The following EXOC4 variants were observed in gnomAD, a reference collection of about 807,000 sequenced individuals.
EXOC4 encodes SEC8-like 1.
In EXOC4, 71 loss-of-function variants were observed where a neutral mutation model predicts 107.2. The observed-to-expected ratio is 0.66, with a 90% CI of 0.55 to 0.81. EXOC4 has a LOEUF of 0.81. Among genes scored for constraint, EXOC4 ranks in the 30% least tolerant of loss-of-function variants. The probability of loss-of-function intolerance (pLI) is 0.00; values close to 1 mark genes in which losing one functional copy is unlikely to be tolerated. For missense variants in EXOC4, 1,108 were observed against 1,189.6 expected, an observed-to-expected ratio of 0.93 and a Z score of 1.01; for synonymous variants, 456 against 441.2, an observed-to-expected ratio of 1.03 and a Z score of -0.42.
rs115048406 is a variant in EXOC4 at position 134,005,121 on chromosome 7, G to A, written c.2527+31G>A. On this transcript the variant is annotated intron_variant, in intron 16 of 17. Transcript: ENST00000253861. ...ACCCTGCTTCTGTCTCTGGGAGTTT[G>A]GGAGGAAGAAAGGATGAAAGTTTTC... is the stretch of plus-strand genomic sequence containing the variant. 3,793 of 1,586,718 alleles carry A rather than the reference G, an allele frequency of 2.4e-3. 50 individuals are homozygous for A. The African/African-American group carries it at 0.04, about 17-fold the overall frequency.
intron 7 of EXOC4, chr7:133,396,214 A>G (rs2150724525): frequency 6.6e-6 from 1 of 152,334 alleles, no homozygotes; most frequent in South Asian, 2.1e-4. Flanking sequence ...CAGGAGAACC[A>G]TGGAATTAGA....
intron 7 of EXOC4, among the ~76,000 whole-genome samples, chr7:133,467,586 T>C (rs79398511): frequency 5.4e-5 from 8 of 147,418 alleles, no homozygotes; most frequent in Non-Finnish European, 3.0e-5. Flanking sequence ...TACAGATTCT[T>C]TTTTTTTTTT....
chr7:133,480,064 C>T lies in EXOC4; in HGVS notation c.1343C>T (p.Ser448Phe), dbSNP rs531366432. Residue 448 changes from serine (S) to phenylalanine (F), a missense_variant, in exon 9 of 18, where the codon TCC (serine) becomes TTC (phenylalanine). By Grantham distance (155) the Ser-to-Phe change is radical. Transcript: ENST00000253861. ...KNSLFKFESS[S>F]HAISMSAYLR... The stretch of plus-strand genomic sequence containing the variant: ...TTTCTCTGCAGGTTCGAATCGTCCT[C>T]CCATGCCATCAGTATGAGCGCCTAT... 3.3e-5 allele frequency: 54 copies of T among 1,613,816 alleles called. No homozygotes were observed. The highest frequency in any genetic ancestry group is 5.0e-5 in the Admixed American group (3 of 59,986).
chr7:133,291,731 C>G (rs1681889179), intron 3 of EXOC4, among the ~76,000 whole-genome samples: 1 of 152,006 alleles, frequency 6.6e-6, no homozygotes, highest in South Asian at 2.1e-4. Context: ...TCCCAGTGTT[C>G]TAAGAGAATC....
intron 7 of EXOC4, among the ~76,000 whole-genome samples, chr7:133,411,569 A>G (rs1033008830): frequency 6.6e-6 from 1 of 152,190 alleles, no homozygotes; most frequent in Admixed American, 6.6e-5. Context: ...GTACATTAGC[A>G]CATTCGTACA....
At chr7:133,811,718 G>A (rs1224523137) in intron 10 of EXOC4, among the ~76,000 whole-genome samples, 1 of 152,294 alleles carries the variant, frequency 6.6e-6, no homozygotes, top group East Asian at 1.9e-4. Flanking sequence ...ATGTGGATAA[G>A]AATGAGAGGA....
chr7:133,312,262 G>A (rs1333806793), intron 4 of EXOC4, among the ~76,000 whole-genome samples: 1 of 152,040 alleles, frequency 6.6e-6, no homozygotes, highest in African/African-American at 2.4e-5. Context: ...GCATTTTTGG[G>A]TCCCAAAAGC....
the EXOC4 span, among the ~76,000 whole-genome samples, chr7:134,074,717 A>T: frequency 6.6e-6 from 1 of 152,168 alleles, no homozygotes; most frequent in Non-Finnish European, 1.5e-5. Flanking sequence ...TGCCAAGTGG[A>T]GGGATAGAGG....
intron 9 of EXOC4, among the ~76,000 whole-genome samples, chr7:133,605,921 C>T (rs562553324): frequency 1.3e-5 from 2 of 152,036 alleles, no homozygotes; most frequent in Non-Finnish European, 2.9e-5. Flanking sequence ...GCCAGGAGAC[C>T]CCAGAAGGAC....
intron 17 of EXOC4, among the ~76,000 whole-genome samples, chr7:134,063,341 A>G (rs770341534): frequency 3.0e-4 from 46 of 152,288 alleles, no homozygotes; most frequent in Admixed American, 3.9e-4. Context: ...CTCCTCTGCT[A>G]TTAACGCACG....
chr7:133,868,215 A>G (rs1393283124), intron 11 of EXOC4, among the ~76,000 whole-genome samples: 1 of 152,090 alleles, frequency 6.6e-6, no homozygotes, highest in Non-Finnish European at 1.5e-5. Flanking sequence ...TGGGCCATTT[A>G]TTTGCAAAAC....
intron 9 of EXOC4, among the ~76,000 whole-genome samples, chr7:133,619,480 T>C (rs1417119026): frequency 6.6e-6 from 1 of 152,200 alleles, no homozygotes; most frequent in Non-Finnish European, 1.5e-5. Context: ...ATTGATAGGC[T>C]CAACATGTTT....
downstream of EXOC4, chr7:134,066,359 A>G (rs1342407489): frequency 6.6e-6 from 1 of 152,216 alleles, no homozygotes; most frequent in East Asian, 1.9e-4. Flanking sequence ...GCTCCGCTAA[A>G]AAAGAAACAT....
At chr7:133,924,013 A>G (rs1799997237) in intron 13 of EXOC4, among the ~76,000 whole-genome samples, 1 of 151,662 alleles carries the variant, frequency 6.6e-6, no homozygotes, top group Non-Finnish European at 1.5e-5. Context: ...TTCTATCAAG[A>G]CAGGTAAAGA....
chr7:133,676,935 G>GTA (rs1562903255), intron 10 of EXOC4, among the ~76,000 whole-genome samples: 2 of 76,896 alleles, frequency 2.6e-5, no homozygotes, highest in African/African-American at 8.1e-5. Flanking sequence ...CTCTGTGTGT[G>GTA]TGTGTGTGTG....
intron 10 of EXOC4, among the ~76,000 whole-genome samples, chr7:133,775,607 A>G (rs1796329307): frequency 1.3e-5 from 2 of 152,172 alleles, no homozygotes; most frequent in South Asian, 2.1e-4. Flanking sequence ...TATTCTCCCT[A>G]TAGTTTTTCT....
At chr7:133,606,921 C>T (rs1184512231) in intron 9 of EXOC4, among the ~76,000 whole-genome samples, 1 of 152,158 alleles carries the variant, frequency 6.6e-6, no homozygotes, top group African/African-American at 2.4e-5. Flanking sequence ...TAAAAATTCC[C>T]ATACTTTCGG....
intron 1 of EXOC4, among the ~76,000 whole-genome samples, chr7:133,257,366 G>GCGCACA (rs1554425704): frequency 3.3e-5 from 5 of 149,798 alleles, no homozygotes; most frequent in African/African-American, 1.2e-4. Flanking sequence ...TTACACACAC[G>GCGCACA]CACACACACA....
At chr7:133,901,415 G>T (rs1428800779) in intron 12 of EXOC4, among the ~76,000 whole-genome samples, 6 of 152,106 alleles carry the variant, frequency 3.9e-5, no homozygotes, top group African/African-American at 1.4e-4. Flanking sequence ...TAGTGCCTCA[G>T]GAGTTCATAT....
Sources: gnomAD v4.1 joint callset for allele counts (sites outside exome capture counted in the v4.1 genomes callset) on GRCh38, gnomAD v4.1.1 for gene constraint, MANE v1.5 for transcripts, NCBI Gene and HGNC (gene_info 2026-07-23, HGNC 2026-07-21) for gene names.